COL4A6: variants seen among roughly 807,000 people sequenced by gnomAD.
COL4A6 encodes collagen alpha-6(IV) chain.
Under a neutral mutation model 126.7 loss-of-function variants are expected in COL4A6, and 59 were observed. The observed-to-expected ratio is 0.47, with a 90% CI of 0.38 to 0.58. The LOEUF (loss-of-function observed/expected upper bound fraction) is 0.58. Ranked by LOEUF, COL4A6 falls within the 20% of genes least tolerant of loss-of-function variation. The pLI is 0.00. For missense variants in COL4A6, 1,285 were observed against 1,337.3 expected (o/e 0.96, Z 0.61); for synonymous variants, 547 against 496.6 (o/e 1.10, Z -1.35).
intron 18 of COL4A6, 87 bp downstream of exon 18, chrX:108,192,386 C>A: frequency 1.5e-6 from 1 of 651,828 alleles, no homozygotes. Context: ...TAGGTGTGTG[C>A]CCCGACCCAG....
intron 2 of COL4A6, among the ~76,000 whole-genome samples, chrX:108,323,724 C>T (rs996521987): frequency 5.3e-5 from 6 of 112,247 alleles, no homozygotes; most frequent in African/African-American, 1.9e-4. Flanking sequence ...TTCACACATC[C>T]TTTCTTAAAT....
intron 2 of COL4A6, among the ~76,000 whole-genome samples, chrX:108,322,889 C>T (rs1479272028): frequency 8.9e-6 from 1 of 112,015 alleles, no homozygotes; most frequent in East Asian, 2.8e-4. Flanking sequence ...TATACTTATA[C>T]TTAAGATATA....
chrX:108,185,306 C>T (rs1451575806), intron 23 of COL4A6, among the ~76,000 whole-genome samples: 5 of 105,776 alleles, frequency 4.7e-5, no homozygotes, highest in Non-Finnish European at 7.8e-5. Flanking sequence ...GCAGGAGAAT[C>T]GCTTGAACCC....
At chrX:108,200,511 C>T (rs1295758208) in intron 13 of COL4A6, among the ~76,000 whole-genome samples, 2 of 111,438 alleles carry the variant, frequency 1.8e-5, no homozygotes, top group African/African-American at 3.3e-5. Flanking sequence ...TAGCTATATG[C>T]ATGTTCTTAC....
At chrX:108,221,211 A>G (rs1163070205) in intron 4 of COL4A6, 29 bp downstream of exon 4, 1 of 1,210,415 alleles carries the variant, frequency 8.3e-7, no homozygotes, top group Non-Finnish European at 1.1e-6. Context: ...CCCATGCATC[A>G]AAGAGAAATC....
intron 2 of COL4A6, among the ~76,000 whole-genome samples, chrX:108,386,241 G>A (rs1310783363): frequency 1.8e-5 from 2 of 111,796 alleles, no homozygotes; most frequent in Admixed American, 1.9e-4. Flanking sequence ...ACCCAGCAAT[G>A]GGATTCCTGG....
chrX:108,259,276 T>C (rs1468292914), intron 3 of COL4A6, among the ~76,000 whole-genome samples: 2 of 111,506 alleles, frequency 1.8e-5, no homozygotes, highest in Non-Finnish European at 3.8e-5. Flanking sequence ...CACAGATGCC[T>C]GGAAAACATG....
At chrX:108,281,316 T>C (rs2037816524) in intron 3 of COL4A6, among the ~76,000 whole-genome samples, 3 of 88,043 alleles carry the variant, frequency 3.4e-5, no homozygotes, top group African/African-American at 1.3e-4. Context: ...ACAAAATCAA[T>C]GTACAAAAAT....
chrX:108,386,528 A>C (rs2040696801), intron 2 of COL4A6, among the ~76,000 whole-genome samples: 1 of 112,301 alleles, frequency 8.9e-6, no homozygotes, highest in African/African-American at 3.2e-5. Context: ...TCTTTTGAGA[A>C]GTGAATGTTC....
At position 108,311,047 on chromosome X, in the gene COL4A6, T is replaced by A. The variant is rs1220954672; in HGVS notation, c.64-219A>T. 3.6e-5 allele frequency among the ~76,000 whole-genome samples: 4 copies of A among 112,245 alleles called. No individual in the cohort carries two copies. In the Admixed American group the frequency reaches 3.8e-4, roughly 11 times the overall value. ...AAATAAATAGCCGGTTTGGGAACTT[T>A]GCTTTAGACACCTCCTCACTGGTAG... On this transcript the variant is annotated intron_variant, in intron 2 of 44. Coordinates refer to ENST00000334504, the MANE Select transcript of COL4A6 (RefSeq NM_033641.4).
intron 13 of COL4A6, among the ~76,000 whole-genome samples, chrX:108,201,270 T>G (rs1393068537): frequency 8.9e-6 from 1 of 111,839 alleles, no homozygotes; most frequent in Non-Finnish European, 1.9e-5. Context: ...TCATCTTTGA[T>G]TCATCCATTT....
At chrX:108,396,907 C>T (rs1465207979) in intron 2 of COL4A6, among the ~76,000 whole-genome samples, 1 of 111,927 alleles carries the variant, frequency 8.9e-6, no homozygotes, top group African/African-American at 3.3e-5. Context: ...CAAATGCTGA[C>T]CTCTCTTTCT....
intron 3 of COL4A6, among the ~76,000 whole-genome samples, chrX:108,266,670 A>C (rs2037311221): frequency 8.9e-6 from 1 of 111,877 alleles, no homozygotes; most frequent in Admixed American, 9.5e-5. Context: ...ATTCTGAAAC[A>C]GAATATATTT....
chrX:108,400,983 A>G (rs779468897), intron 2 of COL4A6, among the ~76,000 whole-genome samples: 1 of 111,608 alleles, frequency 9.0e-6, no homozygotes, highest in African/African-American at 3.2e-5. Context: ...ATATTTCTCT[A>G]TGTTCTCTTG....
At chrX:108,234,990 A>C (rs1314850390) in intron 3 of COL4A6, among the ~76,000 whole-genome samples, 1 of 111,455 alleles carries the variant, frequency 9.0e-6, no homozygotes, top group Non-Finnish European at 1.9e-5. Flanking sequence ...TTGTTAGAAA[A>C]GTGTGAAGGC....
At chrX:108,298,670 C>A (rs2038398081) in intron 3 of COL4A6, among the ~76,000 whole-genome samples, 2 of 110,087 alleles carry the variant, frequency 1.8e-5, no homozygotes, top group Non-Finnish European at 1.9e-5. Flanking sequence ...CTCAAGGAGG[C>A]CCTGCGGGGG....
At chrX:108,276,077 G>T (rs2037593848) in intron 3 of COL4A6, among the ~76,000 whole-genome samples, 1 of 112,731 alleles carries the variant, frequency 8.9e-6, no homozygotes, top group African/African-American at 3.2e-5. Flanking sequence ...TTTCATTCGT[G>T]ATTTCTCAAG....
At chrX:108,231,111 AC>A in intron 3 of COL4A6, among the ~76,000 whole-genome samples, 1 of 111,180 alleles carries the variant, frequency 9.0e-6, no homozygotes, top group Non-Finnish European at 1.9e-5. Context: ...ATACATACAT[AC>A]ATACATACAT....
At position 108,180,616 on chromosome X, in the gene COL4A6, T is replaced by G; in HGVS notation, c.2030A>C (p.Lys677Thr). Residue 677 changes from lysine (K) to threonine (T), a missense_variant, in exon 25 of 45, where the codon AAA becomes ACA. Lys to Thr is a moderately conservative substitution (Grantham distance 78). Transcript: ENST00000334504. ...FPGTPGFPGPKGSRGLPGTPG... is the reference protein window; with the variant it reads ...FPGTPGFPGPTGSRGLPGTPG... ...GGTCCCAGGGAGGCCTCGAGACCCT[T>G]TAGGGCCTGAAAACCCAAATGTAAG... The G allele has an allele frequency of 8.5e-7, 1 of 1,183,150 alleles. No individual in the cohort carries two copies. The highest frequency in any genetic ancestry group is 3.0e-5 in the East Asian group (1 of 33,375).
Sources: gnomAD v4.1 joint callset for allele counts (sites outside exome capture counted in the v4.1 genomes callset) on GRCh38, gnomAD v4.1.1 for gene constraint, MANE v1.5 for transcripts, NCBI Gene and HGNC (gene_info 2026-07-23, HGNC 2026-07-21) for gene names.